MRC2: variants seen among roughly 807,000 people sequenced by gnomAD.
MRC2 encodes the protein mannose receptor C-type 2.
A neutral mutation model predicts 206.2 loss-of-function variants in MRC2; 84 were observed. That is an observed-to-expected ratio of 0.41 (90% confidence interval 0.34 to 0.49). The LOEUF (loss-of-function observed/expected upper bound fraction) is 0.49, where lower values mean the gene tolerates loss of function less well. Among genes scored for constraint, MRC2 ranks in the 20% least tolerant of loss-of-function variants. MRC2 has a pLI of 0.31. For synonymous variants in MRC2, 798 were observed against 800.0 expected (o/e 1.00, Z 0.04); for missense variants, 1,676 against 2,001.5 (o/e 0.84, Z 3.10).
chr17:62,650,115 G>T (rs367912897), intron 1 of MRC2, among the ~76,000 whole-genome samples: 40 of 152,178 alleles, frequency 2.6e-4, no homozygotes, highest in African/African-American at 9.4e-4. Flanking sequence ...GGCTGGCCTC[G>T]AACTCTTGGC....
At chr17:62,641,024 A>T (rs1403189674) in intron 1 of MRC2, among the ~76,000 whole-genome samples, 4 of 150,468 alleles carry the variant, frequency 2.7e-5, no homozygotes, top group African/African-American at 7.3e-5. Flanking sequence ...TTTTTTTTTT[A>T]AATAGAAACA....
rs546440629 is a variant in MRC2, at chr17:62,630,417, G to T, written c.118+2497G>T. ...AAAGGCTGGAGTGTGGATGCTTCCC[G>T]TCTGGAGATTGGAGGCAGGAGAGAC... On this transcript the variant is annotated intron_variant, in intron 1 of 29. Coordinates refer to ENST00000303375, the MANE Select transcript of MRC2 (RefSeq NM_006039.5). Among the ~76,000 whole-genome samples, 17 of 152,272 alleles carry T rather than the reference G, an allele frequency of 1.1e-4. No homozygotes were observed. In the South Asian group the frequency reaches 3.5e-3, roughly 32 times the overall value.
chr17:62,667,337 C>A lies in MRC2; in HGVS notation c.974-53C>A. The A allele has an allele frequency of 6.5e-7, 1 of 1,528,686 alleles. No individual in the cohort carries two copies. Among genetic ancestry groups the A allele is most frequent in the South Asian group, 1.3e-5 (1 of 77,696 alleles). 94.7% of individuals were successfully genotyped at this position (1,528,686 alleles called of 1,614,324 possible). A position where few individuals can be genotyped will look rare whatever the true frequency, so the allele number is the denominator to read the frequency against. ...GAGGTTCTGAGCAGGGCCCCGGGAG[C>A]CACGGTGTGAGCTTCTCTCTCCGGG... is the stretch of plus-strand genomic sequence containing the variant. On this transcript the variant is annotated intron_variant, in intron 5 of 29. Transcript: ENST00000303375. The surrounding 1 kb of genome is among the most constrained non-coding windows in gnomAD (Gnocchi z 4.1).
At chr17:62,647,186 C>CTTTTTTTT (rs34733419) in intron 1 of MRC2, among the ~76,000 whole-genome samples, 1 of 136,362 alleles carries the variant, frequency 7.3e-6, no homozygotes, top group Non-Finnish European at 1.5e-5. Flanking sequence ...TTTTCTTTTT[C>CTTTTTTTT]TTTTTTTTTT....
Position 62,691,155 on chromosome 17 carries a change from G to A in MRC2, c.4192+27G>A, listed in dbSNP as rs1308926266. The A allele has an allele frequency of 3.2e-6, 5 of 1,576,354 alleles. No homozygotes were observed. The East Asian group carries it at 9.3e-5, about 29-fold the overall frequency. The stretch of plus-strand genomic sequence containing the variant: ...TGAGCGCCGGGCAGGCCCACGCTCA[G>A]CCTCCTTCCACCCCGTGCCGCTGGT... On this transcript the variant is annotated intron_variant, in intron 28 of 29. Coordinates refer to ENST00000303375, the MANE Select transcript of MRC2 (RefSeq NM_006039.5).
chr17:62,636,020 C>G (rs1193843356), intron 1 of MRC2, among the ~76,000 whole-genome samples: 1 of 151,970 alleles, frequency 6.6e-6, no homozygotes, highest in Non-Finnish European at 1.5e-5. Flanking sequence ...ATCTCCTGAC[C>G]TCGTGATCCA....
In MRC2 at chr17:62,671,646, C is replaced by T; in HGVS notation, c.1118-3C>T. On this transcript the variant is annotated splice_region_variant and splice_polypyrimidine_tract_variant and intron_variant, in intron 6 of 29. Coordinates refer to ENST00000303375, the MANE Select transcript of MRC2 (RefSeq NM_006039.5). The surrounding 1 kb of genome is among the most constrained non-coding windows in gnomAD (Gnocchi z 4.5). ...TGAGCAGCAGCCTCATGGGTCTCTG[C>T]AGACAGGTGGGCCAATGTGAAGGTG... 1 of 1,572,742 alleles carries T rather than the reference C, an allele frequency of 6.4e-7. No homozygotes were observed. The highest frequency in any genetic ancestry group is 1.2e-5 in the South Asian group (1 of 84,256).
intron 1 of MRC2, among the ~76,000 whole-genome samples, chr17:62,655,163 G>A (rs1386728727): frequency 6.6e-6 from 1 of 151,698 alleles, no homozygotes; most frequent in Non-Finnish European, 1.5e-5. Flanking sequence ...GCGGGCGCCT[G>A]TAGTCCCAGC....
At chr17:62,640,194 C>T (rs1203968278) in intron 1 of MRC2, among the ~76,000 whole-genome samples, 1 of 151,946 alleles carries the variant, frequency 6.6e-6, no homozygotes, top group African/African-American at 2.4e-5. Flanking sequence ...AAGGAAAGTT[C>T]TGAGGACTGT....
At chr17:62,630,940 A>C (rs1341381516) in intron 1 of MRC2, among the ~76,000 whole-genome samples, 2 of 152,088 alleles carry the variant, frequency 1.3e-5, no homozygotes, top group Non-Finnish European at 2.9e-5. Context: ...TCTGTGAGTC[A>C]TCAGGGCCCA....
At chr17:62,644,847 A>G (rs935074183) in intron 1 of MRC2, among the ~76,000 whole-genome samples, 1 of 151,954 alleles carries the variant, frequency 6.6e-6, no homozygotes, top group Non-Finnish European at 1.5e-5. Context: ...CTCAAGGGTC[A>G]CCAGCTGGAG....
At position 62,676,547 on chromosome 17, in the gene MRC2, G is replaced by A; in HGVS notation, c.1834+16G>A. ...GACCAGCCCGGTGAGCCCCTTATTT[G>A]ACTTGCCTTGGTGAAGCGAGGAGGG... is the stretch of plus-strand genomic sequence containing the variant. On this transcript the variant is annotated intron_variant, in intron 11 of 29. Transcript: ENST00000303375. The A allele has an allele frequency of 6.4e-7, 1 of 1,563,128 alleles. No individual in the cohort carries two copies. The highest frequency in any genetic ancestry group is 2.3e-5 in the East Asian group (1 of 44,400).
chr17:62,688,958 C>T lies in MRC2; in HGVS notation c.3332C>T (p.Thr1111Met), dbSNP rs200856511. ...CATGGCTTCATCTGCCAGAAGGGCACGGGTATGTGTCACCAGTCACCTGGG... is the reference window on the plus strand; with the variant it reads ...CATGGCTTCATCTGCCAGAAGGGCATGGGTATGTGTCACCAGTCACCTGGG... ...ETHGFICQKG[T>M]DPSLSPSPAA... The change falls in exon 23 of 30, where the codon ACG (threonine) becomes ATG (methionine). Residue 1111 changes from threonine to methionine, a missense_variant and splice_region_variant. Thr to Met is a moderately conservative substitution (Grantham distance 81). Coordinates refer to ENST00000303375, the MANE Select transcript of MRC2 (RefSeq NM_006039.5). The T allele has an allele frequency of 5.6e-6, 9 of 1,612,632 alleles. No individual in the cohort carries two copies. The highest frequency in any genetic ancestry group is 1.1e-5 in the South Asian group (1 of 90,888).
At chr17:62,629,451 C>A (rs531646935) in intron 1 of MRC2, among the ~76,000 whole-genome samples, 1 of 152,302 alleles carries the variant, frequency 6.6e-6, no homozygotes, top group Non-Finnish European at 1.5e-5. Context: ...CTGTGCCTGG[C>A]CCTCCCTGGG....
At position 62,664,984 on chromosome 17, in the gene MRC2, C is replaced by G. The variant is rs532372081; in HGVS notation, c.520+35C>G. 1.0e-5 allele frequency: 16 copies of G among 1,566,434 alleles called. No homozygotes were observed. The highest frequency in any genetic ancestry group is 1.4e-5 in the Non-Finnish European group (16 of 1,159,804). On this transcript the variant is annotated intron_variant, in intron 2 of 29. Transcript: ENST00000303375. The surrounding 1 kb of genome is among the most constrained non-coding windows in gnomAD (Gnocchi z 4.7). ...CGCTTGCAGGCGGGAGGGTGGGGTCCCCGATGTCCAGGGGACTGGAGCCAT... is the reference window on the plus strand; with the variant it reads ...CGCTTGCAGGCGGGAGGGTGGGGTCGCCGATGTCCAGGGGACTGGAGCCAT...
chr17:62,644,654 C>G (rs1402961501), intron 1 of MRC2, among the ~76,000 whole-genome samples: 1 of 152,162 alleles, frequency 6.6e-6, no homozygotes, highest in Non-Finnish European at 1.5e-5. Context: ...GTCCTGTTCC[C>G]AGTACCGTCC....
At chr17:62,689,831 C>T (rs1195799273) in intron 24 of MRC2, 63 bp from the exon 25 acceptor site, 9 of 1,543,770 alleles carry the variant, frequency 5.8e-6, no homozygotes, top group East Asian at 2.4e-5. Context: ...TTCCTGCCCC[C>T]GCCTTATCCG....
intron 9 of MRC2, among the ~76,000 whole-genome samples, 187 bp downstream of exon 9, chr17:62,674,357 G>A (rs779400232): frequency 9.9e-5 from 15 of 152,264 alleles, no homozygotes; most frequent in Non-Finnish European, 1.6e-4. Context: ...ACGGGTGGGC[G>A]CTGTTGGGAG....
chr17:62,692,464 G>A lies in MRC2; in HGVS notation c.*13G>A. 2 of 1,550,132 alleles carry A rather than the reference G, an allele frequency of 1.3e-6. No individual in the cohort carries two copies. The highest frequency in any genetic ancestry group is 2.4e-5 in the South Asian group (2 of 83,962). ...GCAACAAGAATAGAGCCAGGCGCGT[G>A]GGCAGGGCCAGGGCGGGAGGAGCTG... On this transcript the variant is annotated 3_prime_UTR_variant, in exon 30 of 30. Transcript: ENST00000303375. This position sits in a 1 kb window ranked among gnomAD's most constrained non-coding sequence, Gnocchi z 4.2.
Sources: allele counts gnomAD v4.1 joint callset (sites outside exome capture counted in the v4.1 genomes callset), GRCh38; gene constraint gnomAD v4.1.1; non-coding constraint Gnocchi (gnomAD v3.1); transcripts MANE v1.5; gene names NCBI Gene and HGNC (gene_info 2026-07-23, HGNC 2026-07-21).